The following SEMA3A variants were observed in gnomAD, a reference collection of about 807,000 sequenced individuals.
The protein encoded by SEMA3A is semaphorin 3A, also known as semaphorin-3A.
SEMA3A carries 29 observed loss-of-function variants against 97.9 expected under a neutral mutation model. The ratio of observed to expected loss-of-function variants is 0.30; its 90% confidence interval spans 0.22 to 0.40. SEMA3A has a LOEUF of 0.40. Among genes scored for constraint, SEMA3A ranks in the 10% least tolerant of loss-of-function variants. The pLI, the probability that SEMA3A is intolerant of heterozygous loss-of-function variation, is 1.00. For missense variants in SEMA3A, 763 were observed against 951.3 expected, an observed-to-expected ratio of 0.80 and a Z score of 2.60; for synonymous variants, 321 against 323.7, an observed-to-expected ratio of 0.99 and a Z score of 0.09.
intron 4 of SEMA3A, among the ~76,000 whole-genome samples, chr7:84,072,544 TTCACCTTG>T (rs1793779396): frequency 3.3e-5 from 5 of 152,014 alleles, no homozygotes; most frequent in Admixed American, 3.3e-4. Flanking sequence ...TTTTGATATG[TTCACCTTG>T]TATTTATTTT....
At chr7:84,478,541 C>G (rs1806362100) in intron 1 of SEMA3A, among the ~76,000 whole-genome samples, 1 of 151,476 alleles carries the variant, frequency 6.6e-6, no homozygotes, top group Non-Finnish European at 1.5e-5. Flanking sequence ...TTGTTTCTTT[C>G]CAATAATGTA....
intron 3 of SEMA3A, among the ~76,000 whole-genome samples, chr7:84,215,144 T>C (rs958644377): frequency 2.0e-5 from 3 of 151,822 alleles, no homozygotes; most frequent in African/African-American, 7.3e-5. Flanking sequence ...GTGTTGGGAT[T>C]ACAGGTGTGA....
intron 3 of SEMA3A, among the ~76,000 whole-genome samples, chr7:84,258,210 C>A (rs145002087): frequency 6.6e-6 from 1 of 152,150 alleles, no homozygotes; most frequent in Non-Finnish European, 1.5e-5. Flanking sequence ...TGGGGGTCAA[C>A]GGGTAGAGGA....
At chr7:84,306,476 C>T (rs947503750) in intron 3 of SEMA3A, 4 of 152,052 alleles carry the variant, frequency 2.6e-5, no homozygotes, top group South Asian at 4.1e-4. Context: ...TATAGATCTT[C>T]AAGAATATGT....
intron 3 of SEMA3A, among the ~76,000 whole-genome samples, chr7:84,275,414 A>G (rs1584192422): frequency 6.6e-6 from 1 of 152,132 alleles, no homozygotes; most frequent in Non-Finnish European, 1.5e-5. Flanking sequence ...GACAAAATTA[A>G]TATACTTTAT....
At chr7:84,201,580 C>G (rs1214583721) in intron 3 of SEMA3A, among the ~76,000 whole-genome samples, 1 of 151,966 alleles carries the variant, frequency 6.6e-6, no homozygotes, top group African/African-American at 2.4e-5. Context: ...GCAGCTGTCA[C>G]CTTATGGAGG....
chr7:83,995,374 A>C (rs994244470), intron 12 of SEMA3A, among the ~76,000 whole-genome samples: 2 of 152,156 alleles, frequency 1.3e-5, no homozygotes, highest in African/African-American at 2.4e-5. Flanking sequence ...TGAATGGTGA[A>C]ACATAAAAGA....
chr7:84,367,791 A>G (rs1221217726), intron 2 of SEMA3A, among the ~76,000 whole-genome samples: 1 of 151,132 alleles, frequency 6.6e-6, no homozygotes, highest in Non-Finnish European at 1.5e-5. Context: ...TGAAACTATG[A>G]AAAAAATCTC....
intron 14 of SEMA3A, among the ~76,000 whole-genome samples, chr7:83,978,360 C>CT (rs1789255043): frequency 6.6e-6 from 1 of 152,074 alleles, no homozygotes; most frequent in Non-Finnish European, 1.5e-5. Context: ...TGTGGGTATC[C>CT]TTTTTCTACA....
intron 12 of SEMA3A, among the ~76,000 whole-genome samples, chr7:83,998,939 T>C (rs1262034012): frequency 6.6e-6 from 1 of 152,130 alleles, no homozygotes; most frequent in Admixed American, 6.6e-5. Flanking sequence ...CACATATATT[T>C]GATATCTCTA....
At position 84,019,979 on chromosome 7, in the gene SEMA3A, A is replaced by G. The variant is rs188727285; in HGVS notation, c.668-5628T>C. 1.3e-4 allele frequency among the ~76,000 whole-genome samples: 20 copies of G among 150,676 alleles called. No homozygotes were observed. In the East Asian group the frequency reaches 3.7e-3, roughly 28 times the overall value. On this transcript the variant is annotated intron_variant, in intron 6 of 16. Transcript: ENST00000265362. ...TATTTTCTTTTACTTCTATAAATGA[A>G]GTAATCACCTAGTGTTTCTTTCACT...
At chr7:84,307,619 ATGCTC>A (rs1801193774) in intron 2 of SEMA3A, among the ~76,000 whole-genome samples, 1 of 152,174 alleles carries the variant, frequency 6.6e-6, no homozygotes, top group Non-Finnish European at 1.5e-5. Context: ...AAACACTAAC[ATGCTC>A]TATTGATTTG....
chr7:84,313,645 A>G (rs1165871825), intron 2 of SEMA3A, among the ~76,000 whole-genome samples: 1 of 151,618 alleles, frequency 6.6e-6, no homozygotes, highest in Non-Finnish European at 1.5e-5. Flanking sequence ...TTTTGAGAAT[A>G]TCAGCTTGAT....
chr7:84,486,927 A>C (rs1806588742), intron 1 of SEMA3A, among the ~76,000 whole-genome samples: 1 of 152,102 alleles, frequency 6.6e-6, no homozygotes, highest in African/African-American at 2.4e-5. Context: ...TTTTAATAGA[A>C]GTACAGATAG....
chr7:84,406,662 G>A (rs1432849678), intron 1 of SEMA3A, among the ~76,000 whole-genome samples: 4 of 152,086 alleles, frequency 2.6e-5, no homozygotes, highest in Non-Finnish European at 1.5e-5. Flanking sequence ...ATAAAATACT[G>A]GCAAACTGAA....
chr7:84,474,634 A>G (rs1336431553), intron 1 of SEMA3A, among the ~76,000 whole-genome samples: 1 of 152,170 alleles, frequency 6.6e-6, no homozygotes, highest in Non-Finnish European at 1.5e-5. Context: ...CTGAGTTATT[A>G]CTACCTGACA....
intron 4 of SEMA3A, among the ~76,000 whole-genome samples, chr7:84,094,676 TA>T (rs1199642616): frequency 3.0e-4 from 45 of 152,128 alleles, no homozygotes; most frequent in African/African-American, 1.0e-3. Flanking sequence ...ACACCGATTC[TA>T]AAATAAAAAA....
chr7:84,165,488 TG>T (rs1387685477), intron 1 of SEMA3A, among the ~76,000 whole-genome samples: 1 of 148,632 alleles, frequency 6.7e-6, no homozygotes, highest in African/African-American at 2.4e-5. Flanking sequence ...TCTGTTCTAG[TG>T]AAAAAAAAAA....
chr7:84,081,465 T>C (rs369860442), intron 4 of SEMA3A, among the ~76,000 whole-genome samples: 6 of 151,958 alleles, frequency 3.9e-5, no homozygotes, highest in African/African-American at 4.8e-5. Flanking sequence ...TGTTGGTGGG[T>C]GCTTATAGTC....
Sources: allele counts gnomAD v4.1 joint callset (sites outside exome capture counted in the v4.1 genomes callset), GRCh38; gene constraint gnomAD v4.1.1; transcripts MANE v1.5; gene names NCBI Gene and HGNC (gene_info 2026-07-23, HGNC 2026-07-21).